Variants in CADM2 observed in about 807,000 individuals in gnomAD.
The protein encoded by CADM2 is immunoglobulin superfamily member 4D.
Under a neutral mutation model 49.8 loss-of-function variants are expected in CADM2, and 12 were observed. The ratio of observed to expected loss-of-function variants is 0.24; its 90% CI spans 0.15 to 0.39. CADM2 has a LOEUF of 0.39. Ranked by LOEUF, CADM2 falls within the 10% of genes least tolerant of loss-of-function variation. The pLI is 1.00. For missense variants in CADM2, 378 were observed against 492.3 expected, an observed-to-expected ratio of 0.77 and a Z score of 2.20; for synonymous variants, 214 against 175.4, an observed-to-expected ratio of 1.22 and a Z score of -1.74.
At chr3:85,493,386 T>A (rs1186691230) in intron 1 of CADM2, among the ~76,000 whole-genome samples, 3 of 152,134 alleles carry the variant, frequency 2.0e-5, no homozygotes, top group Non-Finnish European at 4.4e-5. Context: ...GCTAAGATAA[T>A]ATGAATACTC....
At chr3:85,184,553 A>G (rs1387010667) in intron 1 of CADM2, among the ~76,000 whole-genome samples, 1 of 152,170 alleles carries the variant, frequency 6.6e-6, no homozygotes, top group African/African-American at 2.4e-5. Flanking sequence ...GCTAAAATGA[A>G]CAAGACATGC....
chr3:85,889,090 T>C (rs1714069700), intron 5 of CADM2, among the ~76,000 whole-genome samples: 1 of 152,144 alleles, frequency 6.6e-6, no homozygotes, highest in African/African-American at 2.4e-5. Context: ...AAGATGCAAA[T>C]GAGAAACCAA....
chr3:85,400,410 C>T (rs889715661), intron 1 of CADM2, among the ~76,000 whole-genome samples: 5 of 152,004 alleles, frequency 3.3e-5, no homozygotes, highest in African/African-American at 1.2e-4. Context: ...CTAAAATTCT[C>T]TTTTTTTGTT....
chr3:85,960,712 C>T (rs1220622260), intron 7 of CADM2, among the ~76,000 whole-genome samples: 1 of 151,610 alleles, frequency 6.6e-6, no homozygotes, highest in Non-Finnish European at 1.5e-5. Context: ...GTTCATTTAT[C>T]CTTCTTTTCT....
intron 1 of CADM2, among the ~76,000 whole-genome samples, chr3:85,016,168 G>A (rs2034239631): frequency 6.6e-6 from 1 of 152,124 alleles, no homozygotes. Flanking sequence ...GTAATGCCAG[G>A]TAGATTCATT....
chr3:85,608,006 G>T (rs1372971005), intron 1 of CADM2, among the ~76,000 whole-genome samples: 2 of 151,918 alleles, frequency 1.3e-5, no homozygotes. Flanking sequence ...AATAATTTCT[G>T]AATTCATTAC....
chr3:85,568,774 T>A (rs2062393327), intron 1 of CADM2, among the ~76,000 whole-genome samples: 1 of 151,546 alleles, frequency 6.6e-6, no homozygotes, highest in South Asian at 2.1e-4. Context: ...AACTAATTTT[T>A]TTTTTGTATT....
intron 2 of CADM2, among the ~76,000 whole-genome samples, chr3:85,732,956 T>C (rs1283007759): frequency 6.6e-6 from 1 of 152,214 alleles, no homozygotes; most frequent in Non-Finnish European, 1.5e-5. Flanking sequence ...TTCATTTAAA[T>C]GCATTTACAT....
Position 86,039,208 on chromosome 3 carries a change from C to T in CADM2, c.971-26397C>T, listed in dbSNP as rs1002289413. 4.0e-5 allele frequency among the ~76,000 whole-genome samples: 6 copies of T among 151,064 alleles called. No individual in the cohort carries two copies. In the South Asian group the frequency reaches 8.3e-4, roughly 21 times the overall value. ...CTGGGTTCATCTCACTTGGGAGTGT[C>T]GGAAAGTGGGTGCAGGACAGTGGGT... On this transcript the variant is annotated intron_variant, in intron 8 of 9. Transcript: ENST00000383699.
At chr3:85,549,428 C>A (rs1405281267) in intron 1 of CADM2, among the ~76,000 whole-genome samples, 3 of 152,094 alleles carry the variant, frequency 2.0e-5, no homozygotes, top group Non-Finnish European at 4.4e-5. Flanking sequence ...CAATTGCATG[C>A]ATGGGAGAAA....
At chr3:85,988,178 T>C (rs999189586) in intron 8 of CADM2, among the ~76,000 whole-genome samples, 1 of 152,198 alleles carries the variant, frequency 6.6e-6, no homozygotes, top group African/African-American at 2.4e-5. Context: ...GTTCATGGAA[T>C]TCCAATAAGT....
intron 2 of CADM2, among the ~76,000 whole-genome samples, chr3:85,728,262 C>T (rs1445040221): frequency 6.6e-6 from 1 of 152,104 alleles, no homozygotes; most frequent in Non-Finnish European, 1.5e-5. Context: ...CACTTCCATC[C>T]CCAGTGTTCC....
chr3:85,656,477 G>T (rs1423027959), intron 1 of CADM2, among the ~76,000 whole-genome samples: 1 of 151,938 alleles, frequency 6.6e-6, no homozygotes, highest in Admixed American at 6.6e-5. Context: ...TTATCCAGGA[G>T]TGGTGTCGTG....
At chr3:85,640,676 T>G (rs1259140343) in intron 1 of CADM2, among the ~76,000 whole-genome samples, 1 of 152,204 alleles carries the variant, frequency 6.6e-6, no homozygotes, top group Non-Finnish European at 1.5e-5. Flanking sequence ...AGAAACTGGA[T>G]GTTTTCCTGA....
chr3:85,054,875 A>G (rs1576124815), intron 1 of CADM2, among the ~76,000 whole-genome samples: 5 of 151,882 alleles, frequency 3.3e-5, no homozygotes, highest in African/African-American at 1.2e-4. Flanking sequence ...AAATAGCCTC[A>G]AGTCTATATG....
chr3:85,192,441 C>T (rs1323592389), intron 1 of CADM2, among the ~76,000 whole-genome samples: 3 of 151,888 alleles, frequency 2.0e-5, no homozygotes, highest in African/African-American at 4.8e-5. Flanking sequence ...CTTTCCTTAG[C>T]CATTGCAAAG....
At chr3:85,288,554 A>G (rs762750977) in intron 1 of CADM2, among the ~76,000 whole-genome samples, 12 of 152,164 alleles carry the variant, frequency 7.9e-5, no homozygotes, top group Non-Finnish European at 8.8e-5. Flanking sequence ...AAAATTAGGC[A>G]TAATGCTCTG....
rs1715265722 is a variant in CADM2, at chr3:85,896,706, A to G, written c.529+10379A>G. Reference sequence around the variant, plus strand: ...GACATTAGCTATGTTTCCTTGTGTGAGTAGGTTCTTGCCATACATTTTAAT... The same window carrying G: ...GACATTAGCTATGTTTCCTTGTGTGGGTAGGTTCTTGCCATACATTTTAAT... On this transcript the variant is annotated intron_variant, in intron 5 of 9. Coordinates refer to ENST00000383699, the MANE Select transcript of CADM2 (RefSeq NM_001167675.2). 2.6e-5 allele frequency among the ~76,000 whole-genome samples: 4 copies of G among 152,208 alleles called. No homozygotes were observed. The South Asian group carries it at 8.3e-4, about 31-fold the overall frequency.
intron 1 of CADM2, among the ~76,000 whole-genome samples, chr3:85,553,306 T>TC (rs1376388871): frequency 9.6e-6 from 1 of 103,890 alleles, no homozygotes; most frequent in Non-Finnish European, 2.4e-5. Flanking sequence ...GTGTTTTATT[T>TC]CTTTTTTTTA....
Sources: allele counts gnomAD v4.1 joint callset (sites outside exome capture counted in the v4.1 genomes callset), GRCh38; gene constraint gnomAD v4.1.1; transcripts MANE v1.5; gene names NCBI Gene and HGNC (gene_info 2026-07-23, HGNC 2026-07-21).